SLC4A4: variants seen among roughly 807,000 people sequenced by gnomAD.
SLC4A4 encodes solute carrier family 4 member 4.
SLC4A4 carries 27 observed loss-of-function variants against 111.5 expected under a neutral mutation model. The observed-to-expected ratio is 0.24, with a 90% confidence interval of 0.18 to 0.33. The LOEUF (loss-of-function observed/expected upper bound fraction) is 0.33, where lower values mean the gene tolerates loss of function less well. Among genes scored for constraint, SLC4A4 ranks in the 10% least tolerant of loss-of-function variants. The pLI is 1.00. For missense variants in SLC4A4, 909 were observed against 1,315.5 expected, an observed-to-expected ratio of 0.69 and a Z score of 4.78; for synonymous variants, 443 against 463.4, an observed-to-expected ratio of 0.96 and a Z score of 0.57.
At chr4:71,296,906 G>A (rs1174316467) in intron 3 of SLC4A4, among the ~76,000 whole-genome samples, 4 of 152,096 alleles carry the variant, frequency 2.6e-5, no homozygotes, top group Admixed American at 6.6e-5. Flanking sequence ...ATATTAGTTC[G>A]TTCTCTCATC....
At chr4:71,348,113 T>C (rs1429016313) in intron 4 of SLC4A4, among the ~76,000 whole-genome samples, 1 of 152,158 alleles carries the variant, frequency 6.6e-6, no homozygotes, top group Non-Finnish European at 1.5e-5. Flanking sequence ...AAAGATGATA[T>C]ACCTAAAGTT....
chr4:71,454,521 G>A (rs149683250), intron 12 of SLC4A4, among the ~76,000 whole-genome samples: 88 of 151,998 alleles, frequency 5.8e-4, no homozygotes, highest in African/African-American at 2.1e-3. Flanking sequence ...AACCTATGTG[G>A]TATTCATAAG....
At chr4:71,311,079 G>A (rs1726108845) in intron 3 of SLC4A4, among the ~76,000 whole-genome samples, 1 of 152,104 alleles carries the variant, frequency 6.6e-6, no homozygotes, top group Non-Finnish European at 1.5e-5. Context: ...AGCCAAAAAA[G>A]ATCAAAAAAG....
intron 14 of SLC4A4, among the ~76,000 whole-genome samples, chr4:71,475,349 A>G (rs1728270174): frequency 6.6e-6 from 1 of 151,868 alleles, no homozygotes; most frequent in South Asian, 2.1e-4. Flanking sequence ...ACATATCTAA[A>G]TGTGTTCAAA....
chr4:71,292,249 C>T (rs1044266293), intron 3 of SLC4A4, among the ~76,000 whole-genome samples: 8 of 152,128 alleles, frequency 5.3e-5, no homozygotes, highest in African/African-American at 1.9e-4. Context: ...GATTTATAAT[C>T]ACATCACAAC....
At chr4:71,257,980 A>G (rs576616275) in intron 3 of SLC4A4, among the ~76,000 whole-genome samples, 1 of 152,320 alleles carries the variant, frequency 6.6e-6, no homozygotes, top group Admixed American at 6.5e-5. Flanking sequence ...CACCTCTTGC[A>G]TAGACACTGC....
chr4:71,204,849 G>A (rs1717656895), intron 1 of SLC4A4, among the ~76,000 whole-genome samples: 1 of 152,150 alleles, frequency 6.6e-6, no homozygotes, highest in Non-Finnish European at 1.5e-5. Context: ...ATATATTGAG[G>A]ATGAACTTAT....
At chr4:71,109,950 G>A (rs1043005413) in intron 2 of SLC4A4, among the ~76,000 whole-genome samples, 1 of 152,184 alleles carries the variant, frequency 6.6e-6, no homozygotes, top group Non-Finnish European at 1.5e-5. Flanking sequence ...ACAACTGCCT[G>A]CCAGTGGGAT....
At chr4:71,476,431 TTGTTTTTC>T (rs1233581556) in intron 14 of SLC4A4, among the ~76,000 whole-genome samples, 1 of 151,770 alleles carries the variant, frequency 6.6e-6, no homozygotes, top group Non-Finnish European at 1.5e-5. Context: ...GGCGTATGAC[TTGTTTTTC>T]AACACTGGGA....
intron 7 of SLC4A4, among the ~76,000 whole-genome samples, chr4:71,418,352 A>G (rs1240382602): frequency 6.6e-6 from 1 of 152,220 alleles, no homozygotes; most frequent in Non-Finnish European, 1.5e-5. Flanking sequence ...TGGAGTAAAC[A>G]CAAGTAGAAG....
At chr4:71,287,066 A>G (rs1723972367) in intron 3 of SLC4A4, among the ~76,000 whole-genome samples, 1 of 152,168 alleles carries the variant, frequency 6.6e-6, no homozygotes, top group South Asian at 2.1e-4. Flanking sequence ...TTGTTAAGGC[A>G]GATTGCCTGG....
At chr4:71,091,207 C>G (rs1011656735) in intron 1 of SLC4A4, among the ~76,000 whole-genome samples, 6 of 151,036 alleles carry the variant, frequency 4.0e-5, no homozygotes, top group Admixed American at 3.3e-4. Context: ...CTTGGCCTTT[C>G]AAAGCATTGG....
chr4:71,226,437 T>C (rs1460032740), intron 1 of SLC4A4, among the ~76,000 whole-genome samples: 1 of 152,240 alleles, frequency 6.6e-6, no homozygotes, highest in Non-Finnish European at 1.5e-5. Flanking sequence ...TTAATTTCTT[T>C]TTTAGCAGAC....
At chr4:71,277,229 A>G (rs1260681413) in intron 3 of SLC4A4, among the ~76,000 whole-genome samples, 2 of 152,112 alleles carry the variant, frequency 1.3e-5, no homozygotes, top group Non-Finnish European at 2.9e-5. Flanking sequence ...ACTGTTTTTC[A>G]GAGTGCTTGT....
rs1028282309 is a variant in SLC4A4, at chr4:71,316,595, G to A, written c.254-22775G>A. ...AGTTCCAGATACATGTGCCAAATGC[G>A]CAAGTTTGTTACACAAGTAAATGTG... is the stretch of plus-strand genomic sequence containing the variant. On this transcript the variant is annotated intron_variant, in intron 3 of 25. Coordinates refer to ENST00000264485, the MANE Select transcript of SLC4A4 (RefSeq NM_001098484.3). Among the ~76,000 whole-genome samples, 13 of 151,944 alleles carry A rather than the reference G, an allele frequency of 8.6e-5. 1 individual carries two copies. Among genetic ancestry groups the A allele is most frequent in the Admixed American group, 2.6e-4 (4 of 15,248 alleles).
At position 71,064,580 on chromosome 4, in the gene SLC4A4, T is replaced by G. The variant is rs906910298; in HGVS notation, c.-65+1792T>G. Among the ~76,000 whole-genome samples the G allele has an allele frequency of 4.2e-4, 64 of 152,088 alleles. 1 individual carries two copies. ...TTGAAATGAAAACCAAAATAAAAAT[T>G]AAAAGCAATGCAGATGGAAGGAAGG... is the stretch of plus-strand genomic sequence containing the variant. On this transcript the variant is annotated intron_variant, in intron 1 of 26. Transcript: ENST00000649996.
chr4:71,472,543 A>C (rs1727980285), intron 13 of SLC4A4, among the ~76,000 whole-genome samples, 156 bp from the exon 14 acceptor site: 1 of 151,998 alleles, frequency 6.6e-6, no homozygotes, highest in Non-Finnish European at 1.5e-5. Flanking sequence ...CTAAATTCTT[A>C]AACTTAGTGC....
intron 3 of SLC4A4, among the ~76,000 whole-genome samples, chr4:71,314,584 G>C (rs1428520061): frequency 6.6e-6 from 1 of 152,174 alleles, no homozygotes. Context: ...ATACTGTGCA[G>C]CCATAAAAAA....
chr4:71,222,962 C>T (rs1327039005), intron 1 of SLC4A4, among the ~76,000 whole-genome samples: 1 of 151,988 alleles, frequency 6.6e-6, no homozygotes, highest in Non-Finnish European at 1.5e-5. Context: ...AGTGGTGAGC[C>T]GAGGCTGAGC....
Sources: gnomAD v4.1 joint callset for allele counts (sites outside exome capture counted in the v4.1 genomes callset) on GRCh38, gnomAD v4.1.1 for gene constraint, MANE v1.5 for transcripts, NCBI Gene and HGNC (gene_info 2026-07-23, HGNC 2026-07-21) for gene names.